The following ADRA1B variants were observed in gnomAD, a reference collection of about 807,000 sequenced individuals.
ADRA1B encodes the protein alpha-1B adrenergic receptor.
A neutral mutation model predicts 17.9 loss-of-function variants in ADRA1B; 17 were observed. The observed-to-expected ratio is 0.95, with a 90% confidence interval of 0.65 to 1.42. The LOEUF (loss-of-function observed/expected upper bound fraction) is 1.42. Ranked by LOEUF, ADRA1B falls within the 40% of genes most tolerant of loss-of-function variation. The probability of loss-of-function intolerance (pLI) is 0.00; values close to 1 mark genes in which losing one functional copy is unlikely to be tolerated. For missense variants in ADRA1B, 681 were observed against 722.1 expected (o/e 0.94, Z 0.65); for synonymous variants, 366 against 327.6 (o/e 1.12, Z -1.27).
intron 1 of ADRA1B, among the ~76,000 whole-genome samples, chr5:159,897,093 A>C (rs1754048184): frequency 6.6e-6 from 1 of 152,228 alleles, no homozygotes; most frequent in South Asian, 2.1e-4. Context: ...GTCACACAGC[A>C]AGGAGATGAC....
intron 1 of ADRA1B, among the ~76,000 whole-genome samples, chr5:159,896,157 C>T (rs1754038377): frequency 6.6e-6 from 1 of 152,178 alleles, no homozygotes; most frequent in Non-Finnish European, 1.5e-5. Flanking sequence ...CAATAAATGA[C>T]AGTCCTGTTA....
At chr5:159,919,421 C>T (rs1356891058) in intron 1 of ADRA1B, among the ~76,000 whole-genome samples, 2 of 152,172 alleles carry the variant, frequency 1.3e-5, no homozygotes, top group African/African-American at 4.8e-5. Flanking sequence ...CTCTTATTAG[C>T]CATATGACCT....
At chr5:159,962,667 A>C (rs1257572973) in intron 1 of ADRA1B, among the ~76,000 whole-genome samples, 1 of 130,336 alleles carries the variant, frequency 7.7e-6, no homozygotes, top group Admixed American at 7.8e-5. Flanking sequence ...CTTGTTTTTC[A>C]GCTTTTTTTT....
At chr5:159,933,864 G>A (rs1474081198) in intron 1 of ADRA1B, among the ~76,000 whole-genome samples, 2 of 152,238 alleles carry the variant, frequency 1.3e-5, no homozygotes, top group African/African-American at 2.4e-5. Flanking sequence ...CAATCCAGTT[G>A]GAGGCACTCA....
At chr5:159,975,070 G>A (rs1755951432), downstream of ADRA1B, among the ~76,000 whole-genome samples, 1 of 152,182 alleles carries the variant, frequency 6.6e-6, no homozygotes, top group Non-Finnish European at 1.5e-5. Context: ...GGGGCCCTAG[G>A]AAAAGAAAAG....
intron 1 of ADRA1B, among the ~76,000 whole-genome samples, chr5:159,945,139 G>C (rs1305224726): frequency 6.6e-6 from 1 of 152,160 alleles, no homozygotes; most frequent in Non-Finnish European, 1.5e-5. Context: ...CTGCACTTTG[G>C]GAGGTCAAGA....
At chr5:159,892,351 G>C (rs1561584016) in intron 1 of ADRA1B, among the ~76,000 whole-genome samples, 2 of 152,114 alleles carry the variant, frequency 1.3e-5, no homozygotes, top group African/African-American at 2.4e-5. Flanking sequence ...AAGGTTCCGG[G>C]GTACATGTGC....
intron 1 of ADRA1B, among the ~76,000 whole-genome samples, chr5:159,939,477 G>A (rs1755066080): frequency 6.6e-6 from 1 of 152,052 alleles, no homozygotes; most frequent in Non-Finnish European, 1.5e-5. Flanking sequence ...CTGAACTTCT[G>A]AGTGTGACAG....
intron 1 of ADRA1B, among the ~76,000 whole-genome samples, chr5:159,885,378 T>A (rs1753912386): frequency 6.6e-6 from 1 of 152,176 alleles, no homozygotes; most frequent in South Asian, 2.1e-4. Flanking sequence ...GTGAGTTCTA[T>A]TGGTCAAATG....
chr5:159,966,585 A>C (rs1755779699), intron 1 of ADRA1B, among the ~76,000 whole-genome samples: 1 of 152,230 alleles, frequency 6.6e-6, no homozygotes, highest in East Asian at 1.9e-4. Context: ...CAAGAGGGCA[A>C]GATCAGTGTT....
intron 1 of ADRA1B, among the ~76,000 whole-genome samples, chr5:159,894,590 T>A (rs1258312163): frequency 6.6e-6 from 1 of 151,532 alleles, no homozygotes; most frequent in Non-Finnish European, 1.5e-5. Flanking sequence ...GCCGAACTTG[T>A]TTTTTTTTAA....
At chr5:159,957,551 T>C (rs1347575009) in intron 1 of ADRA1B, among the ~76,000 whole-genome samples, 1 of 149,734 alleles carries the variant, frequency 6.7e-6, no homozygotes, top group East Asian at 1.9e-4. Context: ...ATTCATTGGG[T>C]GTCAATTATA....
intron 1 of ADRA1B, among the ~76,000 whole-genome samples, chr5:159,905,891 C>G (rs907587060): frequency 1.2e-4 from 18 of 150,976 alleles, no homozygotes; most frequent in African/African-American, 4.1e-4. Flanking sequence ...GAGTCTTGCT[C>G]TGTCACCCAG....
chr5:159,872,202 G>T (rs983131929), intron 1 of ADRA1B, among the ~76,000 whole-genome samples: 17 of 152,284 alleles, frequency 1.1e-4, no homozygotes, highest in Non-Finnish European at 2.1e-4. Flanking sequence ...CGTCAACATT[G>T]TTAGAAATTG....
intron 1 of ADRA1B, among the ~76,000 whole-genome samples, chr5:159,867,268 T>TGA (rs1753669562): frequency 6.6e-6 from 1 of 152,298 alleles, no homozygotes; most frequent in East Asian, 1.9e-4. Context: ...TTTCTGGTGT[T>TGA]GAGAATCTTT....
At chr5:159,958,789 C>A (rs971930121) in intron 1 of ADRA1B, among the ~76,000 whole-genome samples, 1 of 152,080 alleles carries the variant, frequency 6.6e-6, no homozygotes, top group Non-Finnish European at 1.5e-5. Flanking sequence ...CTTTTATGAC[C>A]CTTTATAAAG....
chr5:159,954,343 G>T (rs981611353), intron 1 of ADRA1B, among the ~76,000 whole-genome samples: 8 of 152,166 alleles, frequency 5.3e-5, no homozygotes, highest in African/African-American at 1.9e-4. Flanking sequence ...TCCTGTTGTG[G>T]CCTTACATGG....
chr5:159,911,024 C>T (rs1754221892), intron 1 of ADRA1B, among the ~76,000 whole-genome samples: 1 of 152,046 alleles, frequency 6.6e-6, no homozygotes, highest in East Asian at 1.9e-4. Context: ...GGACTTTTGC[C>T]CCAGTAAAAT....
intron 1 of ADRA1B, among the ~76,000 whole-genome samples, chr5:159,911,158 G>A (rs1754223015): frequency 6.6e-6 from 1 of 152,148 alleles, no homozygotes; most frequent in African/African-American, 2.4e-5. Flanking sequence ...CTTTTCCAGA[G>A]AAATTCTGGA....
Sources: allele counts gnomAD v4.1 joint callset (sites outside exome capture counted in the v4.1 genomes callset), GRCh38; gene constraint gnomAD v4.1.1; transcripts MANE v1.5; gene names NCBI Gene and HGNC (gene_info 2026-07-23, HGNC 2026-07-21).